SLC23A2: variants seen among roughly 807,000 people sequenced by gnomAD.
SLC23A2 encodes Na(+)/L-ascorbic acid transporter 2.
In SLC23A2, 36 loss-of-function variants were observed where a neutral mutation model predicts 73.3. The observed-to-expected ratio is 0.49, with a 90% confidence interval of 0.38 to 0.65. SLC23A2 has a LOEUF of 0.65. SLC23A2 is among the 30% of genes least tolerant of loss of function. The pLI is 0.00. For synonymous variants in SLC23A2, 343 were observed against 327.3 expected, an observed-to-expected ratio of 1.05 and a Z score of -0.52; for missense variants, 507 against 841.6, an observed-to-expected ratio of 0.60 and a Z score of 4.92.
At chr20:4,934,038 G>A (rs2086919841) in intron 2 of SLC23A2, among the ~76,000 whole-genome samples, 1 of 152,182 alleles carries the variant, frequency 6.6e-6, no homozygotes, top group African/African-American at 2.4e-5. Flanking sequence ...GAAATCAGAA[G>A]GCCAAAAAGG....
chr20:4,885,961 T>C (rs1178954616), intron 6 of SLC23A2, 52 bp from the exon 7 acceptor site: 1 of 1,193,104 alleles, frequency 8.4e-7, no homozygotes, highest in East Asian at 2.4e-5. Context: ...ACTACCGAGG[T>C]AGTTCACTAT....
At chr20:4,963,713 T>A (rs72550900) in intron 2 of SLC23A2, among the ~76,000 whole-genome samples, 2,784 of 152,144 alleles carry the variant, frequency 0.018, 87 homozygotes, top group African/African-American at 0.063. Context: ...CCAGGCATGA[T>A]GGCACACACC....
intron 2 of SLC23A2, among the ~76,000 whole-genome samples, chr20:4,936,568 G>A (rs2086964854): frequency 6.6e-6 from 1 of 152,138 alleles, no homozygotes; most frequent in Non-Finnish European, 1.5e-5. Context: ...GACTACAGGT[G>A]CAAGTCACCA....
chr20:4,893,070 C>CTT (rs370260947), intron 6 of SLC23A2, among the ~76,000 whole-genome samples: 1 of 143,552 alleles, frequency 7.0e-6, no homozygotes, highest in Admixed American at 7.0e-5. Context: ...TGCAACTTTA[C>CTT]TTTTTTTTTT....
rs11389980 is a variant in SLC23A2 at position 4,964,011 on chromosome 20, A to ATT, written c.-155+6780_-155+6781dup. On this transcript the variant is annotated intron_variant, in intron 2 of 16. Transcript: ENST00000338244. Reference sequence around the variant, plus strand: ...TGGGAGTAATAATTGCCATTAACTTATTTTTTTTTTTTTGAGATAGGGTCT... The same window carrying ATT: ...TGGGAGTAATAATTGCCATTAACTTATTTTTTTTTTTTTTTGAGATAGGGTCT... Among the ~76,000 whole-genome samples the ATT allele has an allele frequency of 3.4e-3, 503 of 147,250 alleles. 2 individuals carry two copies. Among genetic ancestry groups the ATT allele is most frequent in the African/African-American group, 0.01 (409 of 40,036 alleles).
At chr20:4,982,083 C>A (rs2087735745) in intron 1 of SLC23A2, among the ~76,000 whole-genome samples, 1 of 151,922 alleles carries the variant, frequency 6.6e-6, no homozygotes, top group South Asian at 2.1e-4. Context: ...CAACCTCCAC[C>A]TCCTGGGTTC....
rs1445703170 is a variant in SLC23A2 at position 4,902,855 on chromosome 20, G to C, written c.208-297C>G. On this transcript the variant is annotated intron_variant, in intron 4 of 16. Coordinates refer to ENST00000338244, the MANE Select transcript of SLC23A2 (RefSeq NM_005116.6). This position sits in a 1 kb window ranked among gnomAD's most constrained non-coding sequence, Gnocchi z 4.0. ...CCAGGCCTGGGGATCCTCCTGCATG[G>C]ACAGAGATGTTCCCAGGTTGAGACC... 6.6e-6 allele frequency among the ~76,000 whole-genome samples: 1 copy of C among 152,146 alleles called. No homozygotes were observed. Among genetic ancestry groups the C allele is most frequent in the East Asian group, 1.9e-4 (1 of 5,162 alleles).
chr20:4,930,845 G>C (rs575103626), intron 3 of SLC23A2, among the ~76,000 whole-genome samples: 1 of 151,896 alleles, frequency 6.6e-6, no homozygotes, highest in African/African-American at 2.4e-5. Flanking sequence ...GTTCAAGTTA[G>C]GGTTGGTGGC....
chr20:4,939,681 C>T (rs1786907065), intron 2 of SLC23A2, among the ~76,000 whole-genome samples: 1 of 152,204 alleles, frequency 6.6e-6, no homozygotes, highest in Non-Finnish European at 1.5e-5. Flanking sequence ...GAACATGTGA[C>T]TGAGATCACC....
At chr20:4,985,905 A>G (rs1425076045) in intron 1 of SLC23A2, among the ~76,000 whole-genome samples, 2 of 152,178 alleles carry the variant, frequency 1.3e-5, no homozygotes, top group South Asian at 2.1e-4. Flanking sequence ...CTCAGTGAAC[A>G]TGCTACCAAC....
chr20:4,876,887 A>G (rs1460607450), intron 9 of SLC23A2, among the ~76,000 whole-genome samples: 1 of 152,204 alleles, frequency 6.6e-6, no homozygotes, highest in East Asian at 1.9e-4. Flanking sequence ...GTTATTATCT[A>G]AGCCAAACTG....
chr20:4,976,465 C>T (rs568593152), intron 1 of SLC23A2, among the ~76,000 whole-genome samples: 2 of 149,814 alleles, frequency 1.3e-5, no homozygotes, highest in African/African-American at 4.9e-5. Flanking sequence ...CACCTGAGGT[C>T]GGGAGTTCGA....
chr20:4,996,622 G>A (rs936422760), intron 1 of SLC23A2, among the ~76,000 whole-genome samples: 1 of 138,408 alleles, frequency 7.2e-6, no homozygotes, highest in Admixed American at 7.8e-5. Context: ...GGAGGCAGAA[G>A]TTGCAATGAG....
At chr20:4,910,554 C>T (rs779152426) in intron 4 of SLC23A2, among the ~76,000 whole-genome samples, 1 of 152,120 alleles carries the variant, frequency 6.6e-6, no homozygotes, top group Non-Finnish European at 1.5e-5. Context: ...CCTCAGCCTC[C>T]CAAATAGCTG....
rs377384731 is a variant in SLC23A2, at chr20:4,869,930, G to C, written c.1226C>G (p.Pro409Arg). 1.9e-6 allele frequency: 3 copies of C among 1,608,272 alleles called. No individual in the cohort carries two copies. The highest frequency in any genetic ancestry group is 2.7e-5 in the African/African-American group (2 of 74,818). ...CCTGTTTATTGCGTGGATGGGGGGG[G>C]GTGGGGCACAGGACAGCCGTGCACA... ...YACARLSCAP[P>R]PPIHAINRGI... is the part of the protein sequence containing the mutation. The change falls in exon 12 of 17, where the codon CCC becomes CGC. Residue 409 changes from proline to arginine, a missense_variant. Physicochemically the swap from Pro to Arg is moderately radical, Grantham distance 103. This residue lies in a region of SLC23A2 where 27 missense variants were observed against 18.2 expected (regional missense o/e 1.48). Coordinates refer to ENST00000338244, the MANE Select transcript of SLC23A2 (RefSeq NM_005116.6).
At chr20:4,895,008 A>C (rs1361475149) in intron 6 of SLC23A2, among the ~76,000 whole-genome samples, 1 of 152,214 alleles carries the variant, frequency 6.6e-6, no homozygotes, top group African/African-American at 2.4e-5. Flanking sequence ...GTTTGTCCTC[A>C]GGCTCCCTTC....
At chr20:4,914,414 T>C (rs1932256945) in intron 3 of SLC23A2, among the ~76,000 whole-genome samples, 1 of 151,950 alleles carries the variant, frequency 6.6e-6, no homozygotes, top group African/African-American at 2.4e-5. Flanking sequence ...AAAAACAAAC[T>C]TAGAGGGAAA....
chr20:4,966,198 A>G (rs2087472133), intron 2 of SLC23A2, among the ~76,000 whole-genome samples: 2 of 152,144 alleles, frequency 1.3e-5, no homozygotes. Flanking sequence ...GTTCATGTGC[A>G]TTTTCCAGGC....
Position 4,856,679 on chromosome 20 carries a change from G to A in SLC23A2, c.*293C>T. 3.2e-6 allele frequency: 1 copy of A among 317,058 alleles called. No homozygotes were observed. The highest frequency in any genetic ancestry group is 5.8e-6 in the Non-Finnish European group (1 of 171,534). The allele number at this position is 317,058 out of a possible 1,614,324, so 19.6% of individuals were successfully genotyped here. On this transcript the variant is annotated 3_prime_UTR_variant, in exon 17 of 17. Transcript: ENST00000338244. The surrounding 1 kb of genome is among the most constrained non-coding windows in gnomAD (Gnocchi z 4.6). ...AAGGGAACTGAAGCAAGGAATGGCTGCAGATTTTAAATGTCCACTCCAAAG... is the reference window on the plus strand; with the variant it reads ...AAGGGAACTGAAGCAAGGAATGGCTACAGATTTTAAATGTCCACTCCAAAG...
Sources: gnomAD v4.1 joint callset for allele counts (sites outside exome capture counted in the v4.1 genomes callset) on GRCh38, gnomAD v4.1.1 for gene constraint, gnomAD v4.1.1 regional missense constraint, Gnocchi (gnomAD v3.1) non-coding constraint, MANE v1.5 for transcripts, NCBI Gene and HGNC (gene_info 2026-07-23, HGNC 2026-07-21) for gene names.